Variants in DACH1 observed in about 807,000 individuals in gnomAD.
The protein encoded by DACH1 is dachshund family transcription factor 1, also known as dachshund homolog 1.
A neutral mutation model predicts 54.2 loss-of-function variants in DACH1; 12 were observed. That is an observed-to-expected ratio of 0.22 (90% confidence interval 0.14 to 0.36). The LOEUF (loss-of-function observed/expected upper bound fraction) is 0.36, where lower values mean the gene tolerates loss of function less well. DACH1 is among the 10% of genes least tolerant of loss of function. The pLI, the probability that DACH1 is intolerant of heterozygous loss-of-function variation, is 1.00. For missense variants in DACH1, 805 were observed against 929.8 expected (o/e 0.87, Z 1.75); for synonymous variants, 386 against 366.2 (o/e 1.05, Z -0.62).
At chr13:71,578,268 T>C (rs1250583423) in intron 3 of DACH1, among the ~76,000 whole-genome samples, 1 of 152,138 alleles carries the variant, frequency 6.6e-6, no homozygotes, top group African/African-American at 2.4e-5. Context: ...AAGATTTGTT[T>C]ACAATGAAAA....
At chr13:71,531,972 G>A (rs1158768408) in intron 6 of DACH1, among the ~76,000 whole-genome samples, 1 of 151,770 alleles carries the variant, frequency 6.6e-6, no homozygotes, top group Non-Finnish European at 1.5e-5. Context: ...ATATATATAT[G>A]TGCATACTAT....
At chr13:71,777,123 TG>T (rs2138051750) in intron 1 of DACH1, among the ~76,000 whole-genome samples, 1 of 152,342 alleles carries the variant, frequency 6.6e-6, no homozygotes, top group South Asian at 2.1e-4. Flanking sequence ...ACCCTCTTGT[TG>T]TTTTCAGATG....
At chr13:71,728,969 G>A (rs1366962725) in intron 1 of DACH1, among the ~76,000 whole-genome samples, 2 of 151,906 alleles carry the variant, frequency 1.3e-5, no homozygotes, top group Non-Finnish European at 2.9e-5. Flanking sequence ...CTTACTCAGT[G>A]TAATAGACAG....
intron 1 of DACH1, among the ~76,000 whole-genome samples, chr13:71,707,491 T>C (rs556755818): frequency 3.0e-4 from 46 of 152,142 alleles, no homozygotes; most frequent in African/African-American, 1.1e-3. Context: ...CACTTGGTCA[T>C]GAAAGTGAAC....
At chr13:71,823,071 T>C (rs1888252800) in intron 1 of DACH1, among the ~76,000 whole-genome samples, 1 of 152,062 alleles carries the variant, frequency 6.6e-6, no homozygotes, top group Non-Finnish European at 1.5e-5. Flanking sequence ...TTATTTTCTA[T>C]AAAGATGAGT....
At chr13:71,717,950 C>A (rs1048854457) in intron 1 of DACH1, among the ~76,000 whole-genome samples, 6 of 151,744 alleles carry the variant, frequency 4.0e-5, no homozygotes, top group Admixed American at 6.6e-5. Flanking sequence ...ATTAGAGTAA[C>A]CAGAACCAAT....
At chr13:71,807,136 A>T (rs1887534282) in intron 1 of DACH1, among the ~76,000 whole-genome samples, 1 of 152,158 alleles carries the variant, frequency 6.6e-6, no homozygotes, top group African/African-American at 2.4e-5. Context: ...AACAGAATGA[A>T]CAAGTTAAAT....
chr13:71,734,165 AC>A (rs536172933), intron 1 of DACH1, among the ~76,000 whole-genome samples: 59 of 114,438 alleles, frequency 5.2e-4, no homozygotes, highest in Admixed American at 2.4e-3. Flanking sequence ...ATATACGTAT[AC>A]CCCATATATA....
chr13:71,553,652 G>GTATA (rs368486773), intron 6 of DACH1, among the ~76,000 whole-genome samples: 3,698 of 138,424 alleles, frequency 0.027, 131 homozygotes, highest in African/African-American at 0.087. Context: ...TATATATATA[G>GTATA]TATATATATA....
Position 71,670,976 on chromosome 13 carries a change from T to C in DACH1, c.964+10819A>G, listed in dbSNP as rs138038151. On this transcript the variant is annotated intron_variant, in intron 2 of 10. Transcript: ENST00000613252. Reference sequence around the variant, plus strand: ...TGAATTTTGGCGATTGGCTTCTCTCTTGGGACTTTACTTTTTAAATCAGAA... The same window carrying C: ...TGAATTTTGGCGATTGGCTTCTCTCCTGGGACTTTACTTTTTAAATCAGAA... Among the ~76,000 whole-genome samples the C allele has an allele frequency of 9.3e-3, 1,415 of 152,210 alleles. 11 individuals are homozygous for C. Among genetic ancestry groups the C allele is most frequent in the Middle Eastern group, 0.045 (13 of 292 alleles).
At chr13:71,855,155 G>C (rs1873920409) in intron 1 of DACH1, among the ~76,000 whole-genome samples, 1 of 151,894 alleles carries the variant, frequency 6.6e-6, no homozygotes, top group Admixed American at 6.6e-5. Flanking sequence ...GGTTCTTATT[G>C]GGAAATAACC....
chr13:71,589,665 G>C (rs965996595), intron 3 of DACH1, among the ~76,000 whole-genome samples: 1 of 151,736 alleles, frequency 6.6e-6, no homozygotes, highest in Non-Finnish European at 1.5e-5. Flanking sequence ...TTGACGTTTT[G>C]ATTCACCTAA....
At chr13:71,666,014 G>C (rs892222593) in intron 2 of DACH1, among the ~76,000 whole-genome samples, 1 of 152,038 alleles carries the variant, frequency 6.6e-6, no homozygotes, top group African/African-American at 2.4e-5. Context: ...GTAGTAGTTA[G>C]TTATGAATTG....
intron 1 of DACH1, among the ~76,000 whole-genome samples, chr13:71,864,975 A>C (rs1380329228): frequency 6.6e-6 from 1 of 152,144 alleles, no homozygotes; most frequent in Non-Finnish European, 1.5e-5. Context: ...GAAAGAAAAC[A>C]CACTTTGGAG....
At chr13:71,575,573 G>A (rs1027062445) in intron 3 of DACH1, among the ~76,000 whole-genome samples, 1 of 151,860 alleles carries the variant, frequency 6.6e-6, no homozygotes, top group African/African-American at 2.4e-5. Flanking sequence ...ACATTATTAA[G>A]GTACAAAATA....
chr13:71,595,608 T>C (rs995202389), intron 3 of DACH1, among the ~76,000 whole-genome samples: 2 of 152,128 alleles, frequency 1.3e-5, no homozygotes, highest in Admixed American at 6.6e-5. Flanking sequence ...TTGTTCAGAC[T>C]GCTATAAAAA....
chr13:71,553,579 ATTTTGTATTTTTATAT>A (rs901421121), intron 6 of DACH1, among the ~76,000 whole-genome samples: 2 of 144,454 alleles, frequency 1.4e-5, no homozygotes, highest in Non-Finnish European at 3.0e-5. Context: ...TTGTTTTTGC[ATTTTGTATTTTTATAT>A]TTTTGTATTT....
At chr13:71,836,208 C>T (rs1888777105) in intron 1 of DACH1, among the ~76,000 whole-genome samples, 1 of 151,864 alleles carries the variant, frequency 6.6e-6, no homozygotes, top group East Asian at 1.9e-4. Context: ...CTAGATATTT[C>T]TCATTAGAGA....
At chr13:71,721,745 T>C (rs529750113) in intron 1 of DACH1, among the ~76,000 whole-genome samples, 2 of 152,268 alleles carry the variant, frequency 1.3e-5, no homozygotes, top group East Asian at 3.9e-4. Flanking sequence ...AATTAAGAAA[T>C]CCTCATATCA....
Sources: gnomAD v4.1 joint callset for allele counts (sites outside exome capture counted in the v4.1 genomes callset) on GRCh38, gnomAD v4.1.1 for gene constraint, MANE v1.5 for transcripts, NCBI Gene and HGNC (gene_info 2026-07-23, HGNC 2026-07-21) for gene names.